The following C1QTNF5 variants were observed in gnomAD, a reference collection of about 807,000 sequenced individuals.
C1QTNF5 encodes the protein complement C1q tumor necrosis factor-related protein 5.
Under a neutral mutation model 10.9 loss-of-function variants are expected in C1QTNF5, and 5 were observed. The ratio of observed to expected loss-of-function variants is 0.46; its 90% CI spans 0.24 to 0.97. The LOEUF (loss-of-function observed/expected upper bound fraction) is 0.97. Among genes scored for constraint, C1QTNF5 ranks in the 50% least tolerant of loss-of-function variants. The pLI, the probability that C1QTNF5 is intolerant of heterozygous loss-of-function variation, is 0.19. For missense variants in C1QTNF5, 281 were observed against 339.4 expected, an observed-to-expected ratio of 0.83 and a Z score of 1.35; for synonymous variants, 161 against 156.5, an observed-to-expected ratio of 1.03 and a Z score of -0.22.
chr11:119,344,032 G>T, upstream of C1QTNF5: 1 of 1,598,082 alleles, frequency 6.3e-7, no homozygotes, highest in Non-Finnish European at 8.5e-7. Context: ...ACCCAGAAGG[G>T]TCTTCTTCCC....
At chr11:119,344,977 C>G, upstream of C1QTNF5, 4 of 1,607,514 alleles carry the variant, frequency 2.5e-6, no homozygotes, top group Non-Finnish European at 3.4e-6. Flanking sequence ...TGGTGTTGAG[C>G]GTGGGGGGAG....
upstream of C1QTNF5, chr11:119,343,668 G>T: frequency 1.0e-6 from 1 of 996,600 alleles, no homozygotes; most frequent in Non-Finnish European, 1.5e-6. Context: ...GGTGAGAGCT[G>T]TCTTTAGGGT....
chr11:119,343,683 G>A, upstream of C1QTNF5: 1 of 1,139,590 alleles, frequency 8.8e-7, no homozygotes, highest in South Asian at 1.3e-5. Flanking sequence ...TAGGGTGATG[G>A]TGAAGAGACC....
chr11:119,342,621 G>A, upstream of C1QTNF5: 1 of 1,613,490 alleles, frequency 6.2e-7, no homozygotes, highest in South Asian at 1.1e-5. Flanking sequence ...AGGGGCCGCT[G>A]CAGTTGTCAT....
upstream of C1QTNF5, chr11:119,341,145 C>T (rs1950499108): frequency 4.1e-6 from 1 of 246,298 alleles, no homozygotes; most frequent in Non-Finnish European, 8.0e-6. Flanking sequence ...GTTCTAGAGG[C>T]AGACAGCCAG....
chr11:119,341,166 A>G, upstream of C1QTNF5: 1 of 261,326 alleles, frequency 3.8e-6, no homozygotes, highest in Non-Finnish European at 7.5e-6. Flanking sequence ...TTGGATCCCT[A>G]GGGCCTAGGA....
chr11:119,340,769 C>A lies in C1QTNF5; in HGVS notation c.-118G>T, dbSNP rs984908532. On this transcript the variant is annotated 5_prime_UTR_variant, in exon 1 of 3. Transcript: ENST00000528368. ...GACCCTCCAGTTGGTGGTGCTCCAG[C>A]CCCCGCGCTTCTCCCCGGCCAGGCG... The A allele has an allele frequency of 7.4e-6, 2 of 268,912 alleles. No individual in the cohort carries two copies. The highest frequency in any genetic ancestry group is 1.4e-5 in the Non-Finnish European group (2 of 140,900). The allele number at this position is 268,912 out of a possible 1,614,324, so 16.7% of individuals were successfully genotyped here.
chr11:119,343,815 C>A (rs145719998), upstream of C1QTNF5: 271 of 1,613,852 alleles, frequency 1.7e-4, no homozygotes, highest in Non-Finnish European at 2.0e-4. Context: ...GGCTCCTGTA[C>A]CTGCCCAGGA....
At chr11:119,346,000 A>T in the C1QTNF5 span, 1 of 1,612,868 alleles carries the variant, frequency 6.2e-7, no homozygotes, top group African/African-American at 1.3e-5. Context: ...CGGCTCATGG[A>T]GTTTCATTCC....
At chr11:119,344,417 A>C (rs374356093), upstream of C1QTNF5, 35 of 1,607,660 alleles carry the variant, frequency 2.2e-5, no homozygotes, top group Non-Finnish European at 2.6e-5. Context: ...AGGGCTCATG[A>C]GTTTGCTAGG....
At chr11:119,342,189 C>T (rs182743631), upstream of C1QTNF5, among the ~76,000 whole-genome samples, 43 of 152,330 alleles carry the variant, frequency 2.8e-4, 1 homozygote, top group Non-Finnish European at 7.3e-5. Context: ...CGCTTGCCAG[C>T]CCTGGGCATC....
At chr11:119,344,221 G>A, upstream of C1QTNF5, 1 of 1,223,884 alleles carries the variant, frequency 8.2e-7, no homozygotes, top group Non-Finnish European at 1.2e-6. Context: ...CCAAGTAGAA[G>A]GTAGTGTCTA....
At chr11:119,341,622 G>A (rs577487940), upstream of C1QTNF5, 16 of 1,612,968 alleles carry the variant, frequency 9.9e-6, no homozygotes, top group African/African-American at 8.0e-5. Flanking sequence ...GGGGTGCCCA[G>A]TAGTGCCAGG....
At chr11:119,342,584 C>A (rs771999204), upstream of C1QTNF5, 1 of 1,612,802 alleles carries the variant, frequency 6.2e-7, no homozygotes, top group South Asian at 1.1e-5. Context: ...TCCCCAGGGG[C>A]AGGCTTCTCA....
At chr11:119,344,671 C>T, upstream of C1QTNF5, 1 of 1,614,062 alleles carries the variant, frequency 6.2e-7, no homozygotes, top group Non-Finnish European at 8.5e-7. Flanking sequence ...TCACTGCCGT[C>T]AGCACAGTTG....
Position 119,339,651 on chromosome 11 carries a change from C to T in C1QTNF5, c.412G>A (p.Ala138Thr). 1 of 1,612,474 alleles carries T rather than the reference C, an allele frequency of 6.2e-7. No individual in the cohort carries two copies. The highest frequency in any genetic ancestry group is 2.2e-5 in the East Asian group (1 of 44,888). The change falls in exon 3 of 3, where the codon GCC becomes ACC. Residue 138 changes from alanine to threonine, a missense_variant. Coordinates refer to ENST00000528368, the MANE Select transcript of C1QTNF5 (RefSeq NM_001278431.2). This position sits in a 1 kb window ranked among gnomAD's most constrained non-coding sequence, Gnocchi z 5.4. ...TGGCAGGTGAACTTGCCGGTGACGG[C>T]GTCGTAATGTCCCTGCTCGTTCACC... The part of the protein sequence containing the change: ...VLVNEQGHYD[A>T]VTGKFTCQVP...
upstream of C1QTNF5, chr11:119,342,028 G>T: frequency 6.2e-7 from 1 of 1,610,798 alleles, no homozygotes; most frequent in Non-Finnish European, 8.5e-7. Flanking sequence ...CTGCTCACTG[G>T]CTCTGTGGCC....
chr11:119,340,227 G>A lies in C1QTNF5; in HGVS notation c.171C>T (p.Gly57=). Reference sequence around the variant, plus strand: ...CTTTCTCTCCCGGAGCCCCGGGCGCGCCGTCGCGGCCGTCGCGGCCATCGC... The same window carrying A: ...CTTTCTCTCCCGGAGCCCCGGGCGCACCGTCGCGGCCGTCGCGGCCATCGC... ...PGRDGRDGRD[G]APGAPGEKGE... is the part of the protein sequence containing the mutation. Residue 57 remains glycine (G), a synonymous_variant, in exon 2 of 3, where the codon GGC becomes GGT. Transcript: ENST00000528368. 1 of 1,511,738 alleles carries A rather than the reference G, an allele frequency of 6.6e-7. No homozygotes were observed. Among genetic ancestry groups the A allele is most frequent in the African/African-American group, 1.5e-5 (1 of 68,778 alleles). The allele number at this position is 1,511,738 out of a possible 1,614,324, so 93.6% of individuals were successfully genotyped here. A position where few individuals can be genotyped will look rare whatever the true frequency, so the allele number is the denominator to read the frequency against.
At chr11:119,342,852 C>T, upstream of C1QTNF5, 1 of 1,613,052 alleles carries the variant, frequency 6.2e-7, no homozygotes, top group Non-Finnish European at 8.5e-7. Flanking sequence ...TGCCCCCACC[C>T]ACTTGCCCAG....
Sources: allele counts gnomAD v4.1 joint callset (sites outside exome capture counted in the v4.1 genomes callset), GRCh38; gene constraint gnomAD v4.1.1; non-coding constraint Gnocchi (gnomAD v3.1); transcripts MANE v1.5; gene names NCBI Gene and HGNC (gene_info 2026-07-23, HGNC 2026-07-21).